TMPRSS11F: variants seen among roughly 807,000 people sequenced by gnomAD.
TMPRSS11F encodes transmembrane protease serine 11F.
In TMPRSS11F, 47 loss-of-function variants were observed where a neutral mutation model predicts 60.2. The ratio of observed to expected loss-of-function variants is 0.78; its 90% CI spans 0.62 to 1.00. The LOEUF (loss-of-function observed/expected upper bound fraction) is 1.00. Among genes scored for constraint, TMPRSS11F ranks in the 50% least tolerant of loss-of-function variants. The probability of loss-of-function intolerance (pLI) is 0.00; values close to 1 mark genes in which losing one functional copy is unlikely to be tolerated. For missense variants in TMPRSS11F, 519 were observed against 522.9 expected, an observed-to-expected ratio of 0.99 and a Z score of 0.07; for synonymous variants, 166 against 167.3, an observed-to-expected ratio of 0.99 and a Z score of 0.06.
chr4:68,094,629 T>C (rs1032181961), intron 2 of TMPRSS11F, among the ~76,000 whole-genome samples: 32 of 151,932 alleles, frequency 2.1e-4, no homozygotes, highest in Non-Finnish European at 4.3e-4. Context: ...TGGGATTTCA[T>C]GGGAGAATAA....
chr4:68,092,385 G>T (rs1331627009), intron 2 of TMPRSS11F, among the ~76,000 whole-genome samples: 2 of 151,958 alleles, frequency 1.3e-5, no homozygotes, highest in African/African-American at 2.4e-5. Context: ...TCACAATTTT[G>T]TATCTTTTTG....
At chr4:68,106,985 T>G (rs1298178025) in intron 1 of TMPRSS11F, among the ~76,000 whole-genome samples, 1 of 152,182 alleles carries the variant, frequency 6.6e-6, no homozygotes, top group Non-Finnish European at 1.5e-5. Context: ...TCTCATGCTA[T>G]GGTATCAGCA....
At chr4:68,068,951 T>C in intron 6 of TMPRSS11F, 132 bp from the exon 7 acceptor site, 1 of 877,632 alleles carries the variant, frequency 1.1e-6, no homozygotes, top group Non-Finnish European at 1.8e-6. Context: ...GCCTTTGAGC[T>C]TATTTGATAC....
chr4:68,061,267 C>T (rs1184211884), intron 8 of TMPRSS11F, among the ~76,000 whole-genome samples: 5 of 152,130 alleles, frequency 3.3e-5, no homozygotes, highest in Admixed American at 3.3e-4. Context: ...TCTGAGGAAT[C>T]GTTGCATTTA....
chr4:68,080,955 T>G (rs1455303146), intron 3 of TMPRSS11F: 1 of 152,144 alleles, frequency 6.6e-6, no homozygotes, highest in Non-Finnish European at 1.5e-5. Context: ...TCAATAAACT[T>G]AAAAGAAAAA....
intron 2 of TMPRSS11F, 74 bp from the exon 3 acceptor site, chr4:68,090,715 C>T: frequency 6.6e-7 from 1 of 1,525,296 alleles, no homozygotes; most frequent in Non-Finnish European, 8.8e-7. Flanking sequence ...CTTGCCCACA[C>T]CTGCTAAATA....
At chr4:68,101,628 T>G (rs762925708) in intron 1 of TMPRSS11F, among the ~76,000 whole-genome samples, 1 of 152,284 alleles carries the variant, frequency 6.6e-6, no homozygotes, top group East Asian at 1.9e-4. Context: ...GATTTGTACA[T>G]GACAATTTTT....
intron 1 of TMPRSS11F, among the ~76,000 whole-genome samples, chr4:68,116,509 G>T (rs988780152): frequency 1.3e-5 from 2 of 152,026 alleles, no homozygotes; most frequent in East Asian, 1.9e-4. Context: ...AATTCATCTG[G>T]ACTCACACAA....
rs372140845 is a variant in TMPRSS11F at position 68,098,917 on chromosome 4, T to C, written c.133A>G (p.Ile45Val). 27 of 1,612,482 alleles carry C rather than the reference T, an allele frequency of 1.7e-5. No homozygotes were observed. Among genetic ancestry groups the C allele is most frequent in the South Asian group, 1.5e-4 (14 of 90,836 alleles). ...ACAACAAAATGAGTAACAATACCAA[T>C]TGCAATTCCTATGATTGCTACAATT... ...LAIVAIIGIA[I>V]GIVTHFVVED... Residue 45 changes from isoleucine to valine, a missense_variant, in exon 2 of 10, where the codon ATT becomes GTT. Coordinates refer to ENST00000356291, the MANE Select transcript of TMPRSS11F (RefSeq NM_207407.2).
chr4:68,062,607 TC>T, intron 8 of TMPRSS11F: 1 of 857,022 alleles, frequency 1.2e-6, no homozygotes. Flanking sequence ...TTCATTTCAG[TC>T]CAGTGATTGA....
intron 2 of TMPRSS11F, among the ~76,000 whole-genome samples, chr4:68,093,458 T>C (rs1268815522): frequency 6.6e-6 from 1 of 152,074 alleles, no homozygotes; most frequent in African/African-American, 2.4e-5. Context: ...GAAGAAAACC[T>C]AGCCATTATC....
At chr4:68,061,991 T>C in intron 8 of TMPRSS11F, 1 of 453,134 alleles carries the variant, frequency 2.2e-6, no homozygotes, top group Non-Finnish European at 4.4e-6. Context: ...TGAGGCACAA[T>C]GAAACTAAGT....
chr4:68,060,854 G>A (rs1430274809), intron 8 of TMPRSS11F, among the ~76,000 whole-genome samples: 2 of 151,576 alleles, frequency 1.3e-5, no homozygotes, highest in Non-Finnish European at 2.9e-5. Flanking sequence ...AGGCCTTTCA[G>A]TATATCCAAG....
In TMPRSS11F at chr4:68,072,354, C is replaced by A; in HGVS notation, c.483G>T (p.Leu161Phe). ...YQSLKTKQLS[L>F]TINKPSFRLT... Reference sequence around the variant, plus strand: ...GTCTAAATGATGGTTTGTTTATGGTCAAAGACAATTGTTTGGTCTTCAAAC... The same window carrying A: ...GTCTAAATGATGGTTTGTTTATGGTAAAAGACAATTGTTTGGTCTTCAAAC... Residue 161 changes from leucine to phenylalanine, a missense_variant, in exon 5 of 10, where the codon TTG becomes TTT. By Grantham distance (22) the Leu-to-Phe change is conservative. Transcript: ENST00000356291. The A allele has an allele frequency of 1.9e-6, 3 of 1,600,496 alleles. No individual in the cohort carries two copies. In the South Asian group the frequency reaches 3.4e-5, roughly 18 times the overall value.
chr4:68,083,795 C>T (rs1185430098), intron 3 of TMPRSS11F, among the ~76,000 whole-genome samples: 1 of 152,158 alleles, frequency 6.6e-6, no homozygotes, highest in African/African-American at 2.4e-5. Flanking sequence ...TGCCTGCAAA[C>T]AATCACCCTA....
At chr4:68,060,602 T>C (rs1169227171) in intron 8 of TMPRSS11F, among the ~76,000 whole-genome samples, 15 of 148,684 alleles carry the variant, frequency 1.0e-4, no homozygotes, top group Admixed American at 5.4e-4. Flanking sequence ...GTATCTCTCT[T>C]TTTTTTTTTC....
intron 2 of TMPRSS11F, among the ~76,000 whole-genome samples, chr4:68,091,761 C>CTATCTATCTATCTATCTATCTA (rs1298593698): frequency 9.0e-5 from 10 of 110,576 alleles, no homozygotes; most frequent in African/African-American, 2.9e-4. Flanking sequence ...CTCTCTCTCT[C>CTATCTATCTATCTATCTATCTA]TCTCTCTCTC....
chr4:68,126,013 A>G (rs1159239320), intron 1 of TMPRSS11F, among the ~76,000 whole-genome samples: 4 of 152,208 alleles, frequency 2.6e-5, no homozygotes, highest in African/African-American at 9.6e-5. Flanking sequence ...GTGAATTAGC[A>G]ACATTTTTTG....
At chr4:68,111,368 C>CA (rs908776866) in intron 1 of TMPRSS11F, among the ~76,000 whole-genome samples, 3 of 151,984 alleles carry the variant, frequency 2.0e-5, no homozygotes, top group African/African-American at 7.2e-5. Context: ...TAAAACAAAA[C>CA]AAAAAAACAT....
Sources: gnomAD v4.1 joint callset for allele counts (sites outside exome capture counted in the v4.1 genomes callset) on GRCh38, gnomAD v4.1.1 for gene constraint, MANE v1.5 for transcripts, NCBI Gene and HGNC (gene_info 2026-07-23, HGNC 2026-07-21) for gene names.